The following GIGYF2 variants were observed in gnomAD, a reference collection of about 807,000 sequenced individuals.
The protein encoded by GIGYF2 is GRB10 interacting GYF protein 2.
In GIGYF2, 25 loss-of-function variants were observed where a neutral mutation model predicts 208.1. The ratio of observed to expected loss-of-function variants is 0.12; its 90% CI spans 0.09 to 0.17. GIGYF2 has a LOEUF of 0.17. Ranked by LOEUF, GIGYF2 falls within the 10% of genes least tolerant of loss-of-function variation. The pLI is 1.00. For synonymous variants in GIGYF2, 534 were observed against 543.8 expected (o/e 0.98, Z 0.25); for missense variants, 1,302 against 1,579.4 (o/e 0.82, Z 2.98).
At chr2:232,776,014 A>G (rs894777055) in intron 8 of GIGYF2, among the ~76,000 whole-genome samples, 4 of 152,170 alleles carry the variant, frequency 2.6e-5, no homozygotes, top group Non-Finnish European at 5.9e-5. Context: ...ATTTACGATT[A>G]GGATACTCAT....
At position 232,767,865 on chromosome 2, in the gene GIGYF2, T is replaced by C. The variant is rs554909970; in HGVS notation, c.532+6429T>C. 74 of 310,148 alleles carry C rather than the reference T, an allele frequency of 2.4e-4. No homozygotes were observed. Among genetic ancestry groups the C allele is most frequent in the Non-Finnish European group, 3.7e-4 (61 of 164,070 alleles). 19.2% of individuals were successfully genotyped at this position (310,148 alleles called of 1,614,324 possible). On this transcript the variant is annotated intron_variant, in intron 8 of 28. Transcript: ENST00000373563. ...GATTAATGGTTGATTTTCTTAGAGT[T>C]CAGTTGTGTTAAACTTCACTGTCCA...
At position 232,806,428 on chromosome 2, in the gene GIGYF2, T is replaced by C; in HGVS notation, c.1640-63T>C. ...GATGAGAATCAGATGCAGGAAATAT[T>C]TTTTTTCTCTTTGAGTCTGAAAGGT... On this transcript the variant is annotated intron_variant, in intron 14 of 28. Coordinates refer to ENST00000373563, the MANE Select transcript of GIGYF2 (RefSeq NM_001103146.3). The surrounding 1 kb of genome is among the most constrained non-coding windows in gnomAD (Gnocchi z 4.0). The C allele has an allele frequency of 8.7e-7, 1 of 1,150,742 alleles. No homozygotes were observed. The highest frequency in any genetic ancestry group is 1.3e-6 in the Non-Finnish European group (1 of 757,386). The allele number at this position is 1,150,742 out of a possible 1,614,324, so 71.3% of individuals were successfully genotyped here.
At chr2:232,787,818 C>G (rs145268038) in intron 9 of GIGYF2, among the ~76,000 whole-genome samples, 1 of 152,228 alleles carries the variant, frequency 6.6e-6, no homozygotes, top group East Asian at 1.9e-4. Context: ...GAAACATAAT[C>G]ACAAGTTCAT....
At chr2:232,835,848 T>G (rs1701571716) in intron 22 of GIGYF2, among the ~76,000 whole-genome samples, 1 of 152,156 alleles carries the variant, frequency 6.6e-6, no homozygotes, top group African/African-American at 2.4e-5. Flanking sequence ...CTGATTGCTC[T>G]GTTGTTCTTA....
At chr2:232,778,128 G>T (rs968369906) in intron 8 of GIGYF2, among the ~76,000 whole-genome samples, 1 of 151,886 alleles carries the variant, frequency 6.6e-6, no homozygotes. Context: ...TAGAGGCAGG[G>T]TCTTGCTGTG....
intron 3 of GIGYF2, among the ~76,000 whole-genome samples, chr2:232,745,732 T>C (rs1698127148): frequency 6.6e-6 from 1 of 152,108 alleles, no homozygotes; most frequent in Admixed American, 6.6e-5. Flanking sequence ...CTTAGTGAAC[T>C]TAGGGAACCA....
rs1699947975 is a variant in GIGYF2, at chr2:232,787,301, T to A, written c.684T>A (p.Asp228Glu). 6.2e-6 allele frequency: 10 copies of A among 1,613,806 alleles called. No homozygotes were observed. The Admixed American group carries it at 1.2e-4, about 19-fold the overall frequency. The change falls in exon 9 of 29, where the codon GAT (aspartate) becomes GAA (glutamate). Residue 228 changes from aspartate to glutamate, a missense_variant. Around this residue, in one of 8 missense-constraint regions of GIGYF2, gnomAD observed 189 missense variants for 257.7 expected, o/e 0.73. Transcript: ENST00000373563. ...GGWRLAGSRR[D>E]GERWRPHSPD... ...GGCGACTAGCTGGATCAAGGAGGGATGGAGAGAGGTGGCGACCTCACAGTC... is the reference window on the plus strand; with the variant it reads ...GGCGACTAGCTGGATCAAGGAGGGAAGGAGAGAGGTGGCGACCTCACAGTC...
At chr2:232,752,810 G>T (rs12991088) in intron 5 of GIGYF2, among the ~76,000 whole-genome samples, 46,466 of 151,928 alleles carry the variant, frequency 0.31, 7,450 homozygotes, top group South Asian at 0.61. Flanking sequence ...AAAGTGCTGG[G>T]ATTACAGGCA....
chr2:232,788,898 A>G lies in GIGYF2; in HGVS notation c.712+1569A>G, dbSNP rs184493788. Among the ~76,000 whole-genome samples the G allele has an allele frequency of 1.8e-3, 276 of 152,256 alleles. 1 individual carries two copies. Among genetic ancestry groups the G allele is most frequent in the Non-Finnish European group, 2.4e-3 (163 of 68,010 alleles). On this transcript the variant is annotated intron_variant, in intron 9 of 28. Transcript: ENST00000373563. ...GGGGATATAAAGATCCCCCAAATAT[A>G]AAGTTTGGGTCTGAAAAAACAGTGT...
chr2:232,711,233 G>A (rs1161845557), intron 2 of GIGYF2, among the ~76,000 whole-genome samples: 2 of 147,856 alleles, frequency 1.4e-5, no homozygotes, highest in East Asian at 3.9e-4. Context: ...GACTCCAGGC[G>A]TGCCACCATG....
intron 20 of GIGYF2, among the ~76,000 whole-genome samples, chr2:232,819,187 C>T (rs1054914441): frequency 7.2e-5 from 11 of 152,086 alleles, no homozygotes; most frequent in East Asian, 1.9e-4. Context: ...ATGAGAACTA[C>T]GGTTAATTCT....
intron 8 of GIGYF2, chr2:232,768,154 G>A (rs755099409): frequency 2.5e-6 from 4 of 1,604,512 alleles, no homozygotes; most frequent in East Asian, 4.5e-5. Flanking sequence ...TGCATAACTG[G>A]CTGGGTGTAT....
intron 2 of GIGYF2, among the ~76,000 whole-genome samples, chr2:232,709,317 A>G (rs918365250): frequency 1.3e-5 from 2 of 152,154 alleles, no homozygotes; most frequent in Non-Finnish European, 2.9e-5. Context: ...GTAAGTAGGT[A>G]AATTTTGATT....
At chr2:232,715,597 T>C (rs1696642267) in intron 2 of GIGYF2, among the ~76,000 whole-genome samples, 1 of 152,084 alleles carries the variant, frequency 6.6e-6, no homozygotes, top group Admixed American at 6.5e-5. Flanking sequence ...AAAAAAAAGT[T>C]CTTTGTTAAT....
At chr2:232,760,407 T>C (rs1328187669) in intron 6 of GIGYF2, 73 bp from the exon 7 acceptor site, 9 of 944,734 alleles carry the variant, frequency 9.5e-6, no homozygotes, top group Non-Finnish European at 1.4e-5. Context: ...ACTTTAGATA[T>C]TAATTTATGG....
rs563804265 is a variant in GIGYF2 at position 232,702,970 on chromosome 2, A to G, written c.-109-454A>G. Among the ~76,000 whole-genome samples, 335 of 152,156 alleles carry G rather than the reference A, an allele frequency of 2.2e-3. 1 individual carries two copies. Among genetic ancestry groups the G allele is most frequent in the Non-Finnish European group, 3.6e-3 (244 of 68,000 alleles). On this transcript the variant is annotated intron_variant, in intron 1 of 28. Coordinates refer to ENST00000373563, the MANE Select transcript of GIGYF2 (RefSeq NM_001103146.3). The stretch of plus-strand genomic sequence containing the variant: ...GCCACCATGCCTGGCTAATTTTTGT[A>G]GAGGTGGGGTTTTGCCATGTTGCCC...
chr2:232,832,858 A>G lies in GIGYF2; in HGVS notation c.2531A>G (p.Glu844Gly). 1 of 1,550,482 alleles carries G rather than the reference A, an allele frequency of 6.4e-7. No individual in the cohort carries two copies. Among genetic ancestry groups the G allele is most frequent in the Non-Finnish European group, 8.7e-7 (1 of 1,145,868 alleles). ...RKQEELLRKQEEEAAKWAREE... is the reference protein window; with the variant it reads ...RKQEELLRKQGEEAAKWAREE... The stretch of plus-strand genomic sequence containing the variant: ...TCTTTAATTTTTCCTTCTGGAAAGG[A>G]AGAGGAGGCTGCAAAATGGGCCCGG... The change falls in exon 22 of 29, where the codon GAA (glutamate) becomes GGA (glycine). Residue 844 changes from glutamate to glycine, a missense_variant and splice_region_variant. Physicochemically the swap from Glu to Gly is moderately conservative, Grantham distance 98. Transcript: ENST00000373563.
In GIGYF2 at chr2:232,803,897, C is replaced by A. The variant is rs1700472289; in HGVS notation, c.1640-2594C>A. Among the ~76,000 whole-genome samples, 3 of 16,480 alleles carry A rather than the reference C, an allele frequency of 1.8e-4. 1 individual carries two copies. The highest frequency in any genetic ancestry group is 1.1e-3 in the African/African-American group (3 of 2,734). The allele number at this position is 16,480 out of a possible 152,430, so 10.8% of individuals were successfully genotyped here. ...AGAGACGGGGTTTCACCTTGTTAGC[C>A]AGGATGGTCTCGATCTCCTGACCTC... On this transcript the variant is annotated intron_variant, in intron 14 of 28. Transcript: ENST00000373563.
chr2:232,787,040 TATTGAA>T, intron 8 of GIGYF2, 104 bp from the exon 9 acceptor site: 1 of 772,840 alleles, frequency 1.3e-6, no homozygotes, highest in Non-Finnish European at 2.3e-6. Flanking sequence ...TTTTTCTGAA[TATTGAA>T]ATGGACCCAT....
Sources: allele counts gnomAD v4.1 joint callset (sites outside exome capture counted in the v4.1 genomes callset), GRCh38; gene constraint gnomAD v4.1.1; regional missense constraint gnomAD v4.1.1; non-coding constraint Gnocchi (gnomAD v3.1); transcripts MANE v1.5; gene names NCBI Gene and HGNC (gene_info 2026-07-23, HGNC 2026-07-21).